CHAMP1: variants seen among roughly 807,000 people sequenced by gnomAD.
The protein encoded by CHAMP1 is chromosome alignment maintaining phosphoprotein 1, also known as chromosome alignment-maintaining phosphoprotein 1.
A neutral mutation model predicts 54.5 loss-of-function variants in CHAMP1; 4 were observed. That is an observed-to-expected ratio of 0.07 (90% CI 0.04 to 0.17). The LOEUF (loss-of-function observed/expected upper bound fraction) is 0.17, where lower values mean the gene tolerates loss of function less well. Ranked by LOEUF, CHAMP1 falls within the 10% of genes least tolerant of loss-of-function variation. The probability of loss-of-function intolerance (pLI) is 1.00; values close to 1 mark genes in which losing one functional copy is unlikely to be tolerated. For missense variants in CHAMP1, 994 were observed against 968.6 expected (o/e 1.03, Z -0.35); for synonymous variants, 368 against 342.2 (o/e 1.08, Z -0.83).
chr13:114,325,856 G>A lies in CHAMP1; in HGVS notation c.2014G>A (p.Asp672Asn). The A allele has an allele frequency of 6.2e-7, 1 of 1,614,112 alleles. No individual in the cohort carries two copies. Among genetic ancestry groups the A allele is most frequent in the Non-Finnish European group, 8.5e-7 (1 of 1,180,020 alleles). Residue 672 changes from aspartate (D) to asparagine (N), a missense_variant, in exon 3 of 3, where the codon GAC (aspartate) becomes AAC (asparagine). Asp to Asn is a conservative substitution (Grantham distance 23). Around this residue, in one of 3 missense-constraint regions of CHAMP1, gnomAD observed 851 missense variants for 701.3 expected, o/e 1.21. Coordinates refer to ENST00000361283, the MANE Select transcript of CHAMP1 (RefSeq NM_032436.4). Reference sequence around the variant, plus strand: ...TGATTTTAGCAAAGAGAACAAAATGGACATGACTAGTCCAGAGCAGTCTAG... The same window carrying A: ...TGATTTTAGCAAAGAGAACAAAATGAACATGACTAGTCCAGAGCAGTCTAG... ...SIDFSKENKM[D>N]MTSPEQSRNV...
intron 1 of CHAMP1, among the ~76,000 whole-genome samples, chr13:114,315,933 T>C (rs1387150035): frequency 6.8e-6 from 1 of 147,520 alleles, no homozygotes; most frequent in Non-Finnish European, 1.5e-5. Context: ...GCCCCCTGGG[T>C]TCAAGGGATT....
At chr13:114,317,775 C>T (rs1263422342) in intron 1 of CHAMP1, among the ~76,000 whole-genome samples, 1 of 152,084 alleles carries the variant, frequency 6.6e-6, no homozygotes, top group African/African-American at 2.4e-5. Context: ...CAGTGGTGTT[C>T]GACTTCAAAG....
intron 1 of CHAMP1, among the ~76,000 whole-genome samples, chr13:114,320,035 G>C (rs781831704): frequency 3.9e-5 from 6 of 152,216 alleles, no homozygotes; most frequent in Non-Finnish European, 8.8e-5. Context: ...CTGTTTGGAA[G>C]ACAGGTTTGG....
In CHAMP1 at chr13:114,323,865, G is replaced by A. The variant is rs2087202927; in HGVS notation, c.23G>A (p.Arg8His). ...AGAATGGAAGCATTCCAGGAACTTC[G>A]TAAACCATCAGCACGTTTGGAGTGT... MEAFQEL[R>H]KPSARLECDH... Residue 8 changes from arginine (R) to histidine (H), a missense_variant, in exon 3 of 3, where the codon CGT becomes CAT. This residue lies in a region of CHAMP1 where 84 missense variants were observed against 120.7 expected (regional missense o/e 0.70). Transcript: ENST00000361283. The A allele has an allele frequency of 6.9e-6, 11 of 1,605,410 alleles. No homozygotes were observed. The highest frequency in any genetic ancestry group is 1.7e-5 in the Admixed American group (1 of 59,232).
chr13:114,325,651 A>G lies in CHAMP1; in HGVS notation c.1809A>G (p.Ser603=), dbSNP rs1555379879. 2.5e-6 allele frequency: 4 copies of G among 1,614,152 alleles called. No homozygotes were observed. Among genetic ancestry groups the G allele is most frequent in the Non-Finnish European group, 3.4e-6 (4 of 1,180,026 alleles). ...TGGTTCAGGAAGAACTTCTAGCTTC[A>G]CCTAAGAAACTCTTAGAAGATACTT... ...DILVQEELLA[S]PKKLLEDTLF... The change falls in exon 3 of 3, where the codon TCA becomes TCG. Residue 603 remains serine, a synonymous_variant. Transcript: ENST00000361283.
chr13:114,323,868 A>C lies in CHAMP1; in HGVS notation c.26A>C (p.Lys9Thr), dbSNP rs781909783. MEAFQELR[K>T]PSARLECDHC... Reference sequence around the variant, plus strand: ...ATGGAAGCATTCCAGGAACTTCGTAAACCATCAGCACGTTTGGAGTGTGAC... The same window carrying C: ...ATGGAAGCATTCCAGGAACTTCGTACACCATCAGCACGTTTGGAGTGTGAC... Residue 9 changes from lysine (K) to threonine (T), a missense_variant, in exon 3 of 3, where the codon AAA (lysine) becomes ACA (threonine). Around this residue, in one of 3 missense-constraint regions of CHAMP1, gnomAD observed 84 missense variants for 120.7 expected, o/e 0.70. Transcript: ENST00000361283. 2 of 1,606,144 alleles carry C rather than the reference A, an allele frequency of 1.2e-6. No homozygotes were observed. Among genetic ancestry groups the C allele is most frequent in the Non-Finnish European group, 1.7e-6 (2 of 1,174,390 alleles).
intron 1 of CHAMP1, among the ~76,000 whole-genome samples, chr13:114,317,895 GT>G (rs1707152007): frequency 6.6e-6 from 1 of 152,182 alleles, no homozygotes; most frequent in Admixed American, 6.5e-5. Flanking sequence ...TAGAATTTAG[GT>G]TTTTTAGAGA....
chr13:114,320,130 G>A (rs2087149479), intron 1 of CHAMP1, among the ~76,000 whole-genome samples: 1 of 152,140 alleles, frequency 6.6e-6, no homozygotes. Context: ...ATAGGGGTAG[G>A]GGATAGAGAA....
Position 114,326,164 on chromosome 13 carries a change from A to G in CHAMP1, c.2322A>G (p.Ser774=). ...AATGTCCACGTTGTAATTTTGAATC[A>G]AATTTCCCAAGAGGTTTTAAGAAAC... The part of the protein sequence containing the change: ...LLKCPRCNFE[S]NFPRGFKKHL... The change falls in exon 3 of 3, where the codon TCA becomes TCG. Residue 774 remains serine (S), a synonymous_variant. Transcript: ENST00000361283. The G allele has an allele frequency of 6.2e-7, 1 of 1,613,318 alleles. No homozygotes were observed. Among genetic ancestry groups the G allele is most frequent in the Non-Finnish European group, 8.5e-7 (1 of 1,179,494 alleles).
Position 114,326,452 on chromosome 13 carries a change from C to CTG in CHAMP1, c.*173_*174dup. The stretch of plus-strand genomic sequence containing the variant: ...GCATTTGATCATTTTTTTCTGGTCT[C>CTG]TGTCTATGTGACTATCTTGTAAGTC... On this transcript the variant is annotated 3_prime_UTR_variant, in exon 3 of 3. Transcript: ENST00000361283. 1.4e-6 allele frequency: 1 copy of CTG among 703,850 alleles called. No individual in the cohort carries two copies. Among genetic ancestry groups the CTG allele is most frequent in the Non-Finnish European group, 2.2e-6 (1 of 450,550 alleles). The allele number at this position is 703,850 out of a possible 1,614,324, so 43.6% of individuals were successfully genotyped here.
rs1322598749 is a variant in CHAMP1 at position 114,326,237 on chromosome 13, C to CT, written c.2396dup (p.Met800AsnfsTer5). ...GCATAATGAAGAGGCAAATAAAAAG[C>CT]TAATGGAAGCTCTTGAACCGCCACT... On this transcript the variant is annotated frameshift_variant, in exon 3 of 3. Transcript: ENST00000361283. LOFTEE classifies it high-confidence loss of function. 3 of 1,590,448 alleles carry CT rather than the reference C, an allele frequency of 1.9e-6. No homozygotes were observed. The highest frequency in any genetic ancestry group is 2.6e-6 in the Non-Finnish European group (3 of 1,168,410).
intron 1 of CHAMP1, among the ~76,000 whole-genome samples, chr13:114,320,554 AT>A (rs2087154045): frequency 6.6e-6 from 1 of 152,200 alleles, no homozygotes; most frequent in Admixed American, 6.5e-5. Flanking sequence ...TTTGAGAAGG[AT>A]TTGATTACAC....
chr13:114,316,867 G>A (rs778391504), intron 1 of CHAMP1, among the ~76,000 whole-genome samples: 5 of 151,840 alleles, frequency 3.3e-5, no homozygotes, highest in Non-Finnish European at 7.4e-5. Context: ...GGATGTTGGA[G>A]CATAATCAGA....
chr13:114,325,568 G>A lies in CHAMP1; in HGVS notation c.1726G>A (p.Val576Ile), dbSNP rs782707849. 6.2e-7 allele frequency: 1 copy of A among 1,614,192 alleles called. No individual in the cohort carries two copies. Among genetic ancestry groups the A allele is most frequent in the African/African-American group, 1.3e-5 (1 of 75,040 alleles). Reference sequence around the variant, plus strand: ...TCTATTCTCAGAATCACAGAAGGCTGTTGAGCTTGGTGATGAACTACAAAT... The same window carrying A: ...TCTATTCTCAGAATCACAGAAGGCTATTGAGCTTGGTGATGAACTACAAAT... ...SALFSESQKA[V>I]ELGDELQIDA... Residue 576 changes from valine to isoleucine, a missense_variant, in exon 3 of 3, where the codon GTT becomes ATT. Coordinates refer to ENST00000361283, the MANE Select transcript of CHAMP1 (RefSeq NM_032436.4).
Position 114,324,958 on chromosome 13 carries a change from T to G in CHAMP1, c.1116T>G (p.Ser372=). The change falls in exon 3 of 3, where the codon TCT becomes TCG. Residue 372 remains serine (S), a synonymous_variant. Transcript: ENST00000361283. ...TPSVSSASWK[S]SSVSPSSWKS... ...CTGTGTCTTCTGCATCCTGGAAATC[T>G]TCATCAGTCTCACCCAGCTCCTGGA... 6.2e-7 allele frequency: 1 copy of G among 1,614,070 alleles called. No individual in the cohort carries two copies. Among genetic ancestry groups the G allele is most frequent in the Non-Finnish European group, 8.5e-7 (1 of 1,180,016 alleles).
chr13:114,326,384 G>C lies in CHAMP1; in HGVS notation c.*103G>C. ...AGTTGGATCAGTAGATGACATGTAT[G>C]GTGTACCGTGTTTCACTGTCTCAGT... is the stretch of plus-strand genomic sequence containing the variant. On this transcript the variant is annotated 3_prime_UTR_variant, in exon 3 of 3. Coordinates refer to ENST00000361283, the MANE Select transcript of CHAMP1 (RefSeq NM_032436.4). The C allele has an allele frequency of 7.7e-7, 1 of 1,306,086 alleles. No individual in the cohort carries two copies. The highest frequency in any genetic ancestry group is 1.7e-5 in the South Asian group (1 of 60,338). The allele number at this position is 1,306,086 out of a possible 1,614,324, so 80.9% of individuals were successfully genotyped here.
Position 114,325,467 on chromosome 13 carries a change from C to A in CHAMP1, c.1625C>A (p.Ser542Tyr), listed in dbSNP as rs782300456. The change falls in exon 3 of 3, where the codon TCT (serine) becomes TAT (tyrosine). Residue 542 changes from serine (S) to tyrosine (Y), a missense_variant. This residue lies in a region of CHAMP1 where 851 missense variants were observed against 701.3 expected (regional missense o/e 1.21). Coordinates refer to ENST00000361283, the MANE Select transcript of CHAMP1 (RefSeq NM_032436.4). ...PEPAKTAPPA[S>Y]PEARKRALFP... ...CCTGCCAAAACAGCCCCTCCTGCTTCTCCAGAAGCACGCAAACGTGCCCTT... is the reference window on the plus strand; with the variant it reads ...CCTGCCAAAACAGCCCCTCCTGCTTATCCAGAAGCACGCAAACGTGCCCTT... The A allele has an allele frequency of 2.5e-6, 4 of 1,614,048 alleles. No individual in the cohort carries two copies. Among genetic ancestry groups the A allele is most frequent in the African/African-American group, 2.7e-5 (2 of 74,912 alleles).
Position 114,326,251 on chromosome 13 carries a change from T to A in CHAMP1, c.2409T>A (p.Leu803=). The change falls in exon 3 of 3, where the codon CTT becomes CTA. Residue 803 remains leucine (L), a synonymous_variant. Transcript: ENST00000361283. ...CAAATAAAAAGCTAATGGAAGCTCT[T>A]GAACCGCCACTGGAGGAGCAGCAAA... The part of the protein sequence containing the change: ...EEANKKLMEA[L]EPPLEEQQI 1 of 1,581,818 alleles carries A rather than the reference T, an allele frequency of 6.3e-7. No individual in the cohort carries two copies. Among genetic ancestry groups the A allele is most frequent in the Non-Finnish European group, 8.6e-7 (1 of 1,164,518 alleles).
Position 114,326,366 on chromosome 13 carries a change from T to G in CHAMP1, c.*85T>G. 1 of 1,418,724 alleles carries G rather than the reference T, an allele frequency of 7.0e-7. No individual in the cohort carries two copies. The highest frequency in any genetic ancestry group is 9.4e-7 in the Non-Finnish European group (1 of 1,061,628). The allele number at this position is 1,418,724 out of a possible 1,614,324, so 87.9% of individuals were successfully genotyped here. On this transcript the variant is annotated 3_prime_UTR_variant, in exon 3 of 3. Transcript: ENST00000361283. ...TAGCTTATCAGATAGCATAGTTGGA[T>G]CAGTAGATGACATGTATGGTGTACC...
Sources: allele counts gnomAD v4.1 joint callset (sites outside exome capture counted in the v4.1 genomes callset), GRCh38; gene constraint gnomAD v4.1.1; regional missense constraint gnomAD v4.1.1; transcripts MANE v1.5; gene names NCBI Gene and HGNC (gene_info 2026-07-23, HGNC 2026-07-21).